PITRM1: variants seen among roughly 807,000 people sequenced by gnomAD.
The protein encoded by PITRM1 is pitrilysin metallopeptidase 1.
In PITRM1, 100 loss-of-function variants were observed where a neutral mutation model predicts 129.9. The observed-to-expected ratio is 0.77, with a 90% CI of 0.65 to 0.91. The LOEUF (loss-of-function observed/expected upper bound fraction) is 0.91. Among genes scored for constraint, PITRM1 ranks in the 40% least tolerant of loss-of-function variants. PITRM1 has a pLI of 0.00. For missense variants in PITRM1, 1,471 were observed against 1,318.3 expected, an observed-to-expected ratio of 1.12 and a Z score of -1.79; for synonymous variants, 591 against 508.8, an observed-to-expected ratio of 1.16 and a Z score of -2.17.
In PITRM1 at chr10:3,144,335, G is replaced by A. The variant is rs1840616336; in HGVS notation, c.2489C>T (p.Ala830Val). ...GACCTGGGAGCCATGGGGAACGTGGGCATCTCCACCAGAGCTGCTGGGCAC... is the reference window on the plus strand; with the variant it reads ...GACCTGGGAGCCATGGGGAACGTGGACATCTCCACCAGAGCTGCTGGGCAC... ...KPVPSSSGGD[A>V]HVPHGSQVIR... Residue 830 changes from alanine (A) to valine (V), a missense_variant, in exon 22 of 27, where the codon GCC (alanine) becomes GTC (valine). By Grantham distance (64) the Ala-to-Val change is moderately conservative. Coordinates refer to ENST00000224949, the MANE Select transcript of PITRM1 (RefSeq NM_014889.4). 1 of 1,562,492 alleles carries A rather than the reference G, an allele frequency of 6.4e-7. No individual in the cohort carries two copies. Among genetic ancestry groups the A allele is most frequent in the Non-Finnish European group, 8.7e-7 (1 of 1,152,106 alleles).
In PITRM1 at chr10:3,143,821, T is replaced by C. The variant is rs542237748; in HGVS notation, c.2533-320A>G. 1.3e-4 allele frequency: 78 copies of C among 597,554 alleles called. No individual in the cohort carries two copies. The African/African-American group carries it at 1.3e-3, about 10-fold the overall frequency. 37.0% of individuals were successfully genotyped at this position (597,554 alleles called of 1,614,324 possible). ...CATTCTACGCCGTTTATATCACAGTTACATATTTATATTTCATATCATATT... is the reference window on the plus strand; with the variant it reads ...CATTCTACGCCGTTTATATCACAGTCACATATTTATATTTCATATCATATT... On this transcript the variant is annotated intron_variant, in intron 22 of 26. Coordinates refer to ENST00000224949, the MANE Select transcript of PITRM1 (RefSeq NM_014889.4).
intron 23 of PITRM1, among the ~76,000 whole-genome samples, chr10:3,142,814 C>T (rs1179362616): frequency 1.3e-5 from 2 of 152,184 alleles, no homozygotes; most frequent in African/African-American, 4.8e-5. Flanking sequence ...CCAGCCCTGC[C>T]ATCTGCAGGG....
At chr10:3,144,423 TAAG>T (rs924014932) in intron 21 of PITRM1, 57 bp from the exon 22 acceptor site, 15 of 1,009,070 alleles carry the variant, frequency 1.5e-5, no homozygotes, top group African/African-American at 6.5e-5. Context: ...TTGAAATATA[TAAG>T]AAGTAACAGA....
chr10:3,141,632 G>A (rs1342350202), intron 23 of PITRM1: 1 of 469,690 alleles, frequency 2.1e-6, no homozygotes, highest in Non-Finnish European at 4.4e-6. Context: ...CCGACAGAAG[G>A]CGGGGCAGAC....
intron 20 of PITRM1, 150 bp from the exon 21 acceptor site, chr10:3,145,866 G>T: frequency 1.5e-6 from 1 of 649,222 alleles, no homozygotes; most frequent in Non-Finnish European, 2.7e-6. Flanking sequence ...TGCCACGGCC[G>T]CCTCCCTGCT....
In PITRM1 at chr10:3,137,883, G is replaced by GTCAAA; in HGVS notation, c.*147_*148insTTTGA. 4 of 608,174 alleles carry GTCAAA rather than the reference G, an allele frequency of 6.6e-6. No homozygotes were observed. The highest frequency in any genetic ancestry group is 1.2e-5 in the Non-Finnish European group (4 of 340,774). The allele number at this position is 608,174 out of a possible 1,614,324, so 37.7% of individuals were successfully genotyped here. A position where few individuals can be genotyped will look rare whatever the true frequency, so the allele number is the denominator to read the frequency against. Reference sequence around the variant, plus strand: ...CCTCTTCCTGGTCACTCTTAAGATAGATCTGAGTTTTTGACTCGCCAGTCA... The same window carrying GTCAAA: ...CCTCTTCCTGGTCACTCTTAAGATAGTCAAAATCTGAGTTTTTGACTCGCCAGTCA... On this transcript the variant is annotated 3_prime_UTR_variant, in exon 27 of 27. Coordinates refer to ENST00000224949, the MANE Select transcript of PITRM1 (RefSeq NM_014889.4).
rs372273001 is a variant in PITRM1, at chr10:3,140,748, C to T, written c.2710G>A (p.Gly904Ser). ...AGTTTTGCGCCTCCACCATAAGCAC[C>T]GCCTTTTTCTCGAATTTCTGTATGC... ...FLHTEIREKG[G>S]AYGGGAKLSH... Residue 904 changes from glycine to serine, a missense_variant, in exon 24 of 27, where the codon GGT becomes AGT. Coordinates refer to ENST00000224949, the MANE Select transcript of PITRM1 (RefSeq NM_014889.4). 5.4e-5 allele frequency: 86 copies of T among 1,597,166 alleles called. No homozygotes were observed. Among genetic ancestry groups the T allele is most frequent in the Middle Eastern group, 4.9e-4 (3 of 6,070 alleles).
Position 3,160,228 on chromosome 10 carries a change from T to C in PITRM1, c.894A>G (p.Pro298=), listed in dbSNP as rs374869417. Residue 298 remains proline (P), a synonymous_variant, in exon 8 of 27, where the codon CCA becomes CCG. Transcript: ENST00000224949. ...FQKIEPSTVV[P]AQTPWDKPRE... ...CAGGCTTGTCCCAGGGTGTCTGAGC[T>C]GGCACCACGGTGCTTGGTTCAATTT... is the stretch of plus-strand genomic sequence containing the variant. 6.2e-7 allele frequency: 1 copy of C among 1,613,970 alleles called. No homozygotes were observed. Among genetic ancestry groups the C allele is most frequent in the Admixed American group, 1.7e-5 (1 of 60,038 alleles).
Position 3,166,993 on chromosome 10 carries a change from T to G in PITRM1, c.209A>C (p.Asp70Ala). 1.1e-5 allele frequency: 17 copies of G among 1,611,388 alleles called. No homozygotes were observed. The highest frequency in any genetic ancestry group is 1.4e-5 in the Non-Finnish European group (17 of 1,178,736). The change falls in exon 3 of 27, where the codon GAT (aspartate) becomes GCT (alanine). Residue 70 changes from aspartate to alanine, a missense_variant. By Grantham distance (126) the Asp-to-Ala change is moderately radical. Transcript: ENST00000224949. ...GTGTAAATACCTGGCTCCTGTGTCA[T>G]CATGGGTGAGCTTCACTGCAGTCAG... ...LFLTAVKLTHDDTGARYLHLA... is the reference protein window; with the variant it reads ...LFLTAVKLTHADTGARYLHLA...
At chr10:3,144,177 G>A in intron 22 of PITRM1, 115 bp downstream of exon 22, 1 of 660,078 alleles carries the variant, frequency 1.5e-6, no homozygotes, top group Non-Finnish European at 2.7e-6. Context: ...GCAACTCTAG[G>A]GACACGCCAG....
chr10:3,158,597 C>G (rs555204503), intron 10 of PITRM1, among the ~76,000 whole-genome samples: 1 of 152,260 alleles, frequency 6.6e-6, no homozygotes, highest in Admixed American at 6.5e-5. Context: ...GAGACAACAG[C>G]ATGACATTCT....
intron 23 of PITRM1, among the ~76,000 whole-genome samples, chr10:3,142,562 G>C (rs1840356329): frequency 6.6e-6 from 1 of 152,240 alleles, no homozygotes; most frequent in South Asian, 2.1e-4. Context: ...GTCTGTCCTG[G>C]TCTGGCCAGT....
chr10:3,147,123 A>T (rs200328666), intron 20 of PITRM1, 27 bp downstream of exon 20: 484 of 1,226,488 alleles, frequency 3.9e-4, no homozygotes, highest in Admixed American at 5.8e-4. Flanking sequence ...GAATCATAAA[A>T]TATTTAGAAA....
At chr10:3,148,585 C>T (rs1588658946) in intron 16 of PITRM1, 2 of 340,676 alleles carry the variant, frequency 5.9e-6, no homozygotes, top group Middle Eastern at 8.1e-4. Context: ...CTAAAATAGG[C>T]ATTTCCAGTT....
intron 14 of PITRM1, among the ~76,000 whole-genome samples, chr10:3,152,119 A>C (rs1841575733): frequency 6.6e-6 from 1 of 152,046 alleles, no homozygotes; most frequent in Admixed American, 6.5e-5. Context: ...AAATCACACA[A>C]ATTACAGTGG....
Position 3,172,721 on chromosome 10 carries a change from C to T in PITRM1, c.52G>A (p.Gly18Ser), listed in dbSNP as rs1236224161. ...CCTCCCGTCGCAGCGTCTCACCCGC[C>T]GCTCAGCCGCCTCAGCACACACAGG... The part of the protein sequence containing the change: ...QGLCVLRRLS[G>S]GHAHHRAWRW... The change falls in exon 1 of 27, where the codon GGC becomes AGC. Residue 18 changes from glycine to serine, a missense_variant. Gly to Ser is a moderately conservative substitution (Grantham distance 56). Coordinates refer to ENST00000224949, the MANE Select transcript of PITRM1 (RefSeq NM_014889.4). The T allele has an allele frequency of 1.9e-5, 29 of 1,541,720 alleles. No individual in the cohort carries two copies. Among genetic ancestry groups the T allele is most frequent in the Non-Finnish European group, 2.4e-5 (28 of 1,144,040 alleles).
chr10:3,158,772 C>T (rs1444063897), intron 10 of PITRM1, 142 bp downstream of exon 10: 9 of 749,074 alleles, frequency 1.2e-5, no homozygotes, highest in African/African-American at 1.8e-5. Flanking sequence ...TCCTGGTCCG[C>T]CATCTTCCGA....
intron 18 of PITRM1, 53 bp downstream of exon 18, chr10:3,147,930 TCAAA>T (rs1251724718): frequency 1.3e-5 from 18 of 1,399,770 alleles, no homozygotes; most frequent in South Asian, 7.0e-5. Context: ...TTAAAGTACT[TCAAA>T]CAAAGATCTC....
At chr10:3,160,012 G>C in intron 8 of PITRM1, 76 bp from the exon 9 acceptor site, 1 of 1,244,804 alleles carries the variant, frequency 8.0e-7, no homozygotes, top group South Asian at 1.3e-5. Context: ...CTGGATACAC[G>C]AAATGGAGCG....
Sources: gnomAD v4.1 joint callset for allele counts (sites outside exome capture counted in the v4.1 genomes callset) on GRCh38, gnomAD v4.1.1 for gene constraint, MANE v1.5 for transcripts, NCBI Gene and HGNC (gene_info 2026-07-23, HGNC 2026-07-21) for gene names.